Variants in ITIH2 observed in about 807,000 individuals in gnomAD.
The protein encoded by ITIH2 is inter-alpha-trypsin inhibitor heavy chain 2.
In ITIH2, 103 loss-of-function variants were observed where a neutral mutation model predicts 104.4. That is an observed-to-expected ratio of 0.99 (90% confidence interval 0.84 to 1.16). The LOEUF (loss-of-function observed/expected upper bound fraction) is 1.16. ITIH2 is among the 50% of genes most tolerant of loss of function. The pLI is 0.00. For missense variants in ITIH2, 1,108 were observed against 1,162.4 expected (o/e 0.95, Z 0.68); for synonymous variants, 436 against 435.4 (o/e 1.00, Z -0.02).
intron 14 of ITIH2, 71 bp from the exon 15 acceptor site, chr10:7,734,851 G>A (rs1835037588): frequency 1.4e-6 from 2 of 1,384,580 alleles, no homozygotes; most frequent in Admixed American, 1.8e-5. Context: ...GGGGTGCAGG[G>A]TCAGGGAGCT....
At chr10:7,732,037 C>A in intron 13 of ITIH2, 41 bp downstream of exon 13, 1 of 1,469,480 alleles carries the variant, frequency 6.8e-7, no homozygotes. Context: ...CTAACTGACC[C>A]CCTAGATACA....
chr10:7,729,424 G>A (rs1356185961), intron 11 of ITIH2, among the ~76,000 whole-genome samples: 2 of 152,038 alleles, frequency 1.3e-5, no homozygotes. Flanking sequence ...CCAGTTTCTT[G>A]TGTATCTTTC....
In ITIH2 at chr10:7,728,530, C is replaced by A. The variant is rs191081908; in HGVS notation, c.1279+702C>A. Among the ~76,000 whole-genome samples the A allele has an allele frequency of 3.9e-4, 60 of 152,124 alleles. 1 individual carries two copies. Among genetic ancestry groups the A allele is most frequent in the African/African-American group, 1.4e-3 (58 of 41,518 alleles). ...CTGAGTAGCTGGGACTACAGGTGTG[C>A]ACCACCACACTCAGCTAATTTCTTT... On this transcript the variant is annotated intron_variant, in intron 11 of 20. Coordinates refer to ENST00000358415, the MANE Select transcript of ITIH2 (RefSeq NM_002216.3).
rs386740612 is a variant in ITIH2, at chr10:7,716,482, TCC to T, written c.468-1142_468-1141del. ...CCAGGTGCAGTGGCTCAGACTATAATCCCAGCACTTTCAGAAGTGGAGGCGGG... is the reference window on the plus strand; with the variant it reads ...CCAGGTGCAGTGGCTCAGACTATAATCAGCACTTTCAGAAGTGGAGGCGGG... On this transcript the variant is annotated intron_variant, in intron 5 of 20. Coordinates refer to ENST00000358415, the MANE Select transcript of ITIH2 (RefSeq NM_002216.3). 4.5e-3 allele frequency among the ~76,000 whole-genome samples: 685 copies of T among 152,148 alleles called. 7 individuals carry two copies. Among genetic ancestry groups the T allele is most frequent in the African/African-American group, 0.016 (665 of 41,534 alleles).
At chr10:7,706,042 G>A (rs888957641) in intron 2 of ITIH2, among the ~76,000 whole-genome samples, 10 of 152,264 alleles carry the variant, frequency 6.6e-5, no homozygotes, top group South Asian at 2.1e-4. Context: ...AGGTATTTAC[G>A]GAAGCAGCAA....
chr10:7,733,426 C>G lies in ITIH2; in HGVS notation c.1787+949C>G, dbSNP rs541844571. Among the ~76,000 whole-genome samples the G allele has an allele frequency of 2.0e-5, 3 of 152,256 alleles. 1 individual carries two copies. The highest frequency in any genetic ancestry group is 7.2e-5 in the African/African-American group (3 of 41,542). On this transcript the variant is annotated intron_variant, in intron 14 of 20. Coordinates refer to ENST00000358415, the MANE Select transcript of ITIH2 (RefSeq NM_002216.3). ...TTTACTCTTGAAAATGGCTTCTTGT[C>G]CAAAGAGAAATTGATGATTATTAAC...
intron 20 of ITIH2, among the ~76,000 whole-genome samples, chr10:7,748,776 C>T (rs576675624): frequency 1.9e-4 from 29 of 151,478 alleles, no homozygotes; most frequent in African/African-American, 6.8e-4. Flanking sequence ...GAACTCCTGG[C>T]CTCAAGTGGT....
chr10:7,735,311 A>AAAAGGGGT, intron 15 of ITIH2, among the ~76,000 whole-genome samples: 1 of 152,182 alleles, frequency 6.6e-6, no homozygotes, highest in Admixed American at 6.5e-5. Flanking sequence ...AACTTTTGAA[A>AAAAGGGGT]ACCTGCGTAC....
At chr10:7,712,053 C>A (rs1417869957) in intron 4 of ITIH2, among the ~76,000 whole-genome samples, 71 of 152,142 alleles carry the variant, frequency 4.7e-4, no homozygotes. Context: ...GGCAGGGGAC[C>A]CACCAGCACC....
Position 7,723,505 on chromosome 10 carries a change from C to T in ITIH2, c.922C>T (p.Pro308Ser). The change falls in exon 9 of 21, where the codon CCC becomes TCC. Residue 308 changes from proline (P) to serine (S), a missense_variant. Transcript: ENST00000358415. ...FFAPDNLDPI[P>S]KNILFVIDVS... ...TGCTCCTGACAACCTGGACCCAATT[C>T]CCAAAAACATCCTCTTTGTCATCGA... The T allele has an allele frequency of 6.2e-7, 1 of 1,614,010 alleles. No individual in the cohort carries two copies. Among genetic ancestry groups the T allele is most frequent in the Non-Finnish European group, 8.5e-7 (1 of 1,179,946 alleles).
At chr10:7,748,386 C>T (rs1178067795) in intron 20 of ITIH2, among the ~76,000 whole-genome samples, 4 of 149,726 alleles carry the variant, frequency 2.7e-5, no homozygotes, top group East Asian at 2.0e-4. Context: ...GTCTCGTTCA[C>T]GCAGTGTGAA....
At chr10:7,728,252 T>C (rs901613053) in intron 11 of ITIH2, among the ~76,000 whole-genome samples, 3 of 152,330 alleles carry the variant, frequency 2.0e-5, no homozygotes, top group South Asian at 4.1e-4. Flanking sequence ...TTCTCCACAC[T>C]TCTCCCGGTT....
intron 8 of ITIH2, among the ~76,000 whole-genome samples, chr10:7,723,107 G>A (rs1261156418): frequency 4.1e-5 from 6 of 145,770 alleles, no homozygotes; most frequent in Non-Finnish European, 9.1e-5. Flanking sequence ...GAGTGGCGTG[G>A]TGTGGTGTGG....
intron 11 of ITIH2, among the ~76,000 whole-genome samples, chr10:7,729,473 T>G (rs1371747741): frequency 2.6e-5 from 4 of 152,234 alleles, no homozygotes; most frequent in Non-Finnish European, 4.4e-5. Flanking sequence ...TATATATACA[T>G]GTTTGCACAC....
Position 7,733,534 on chromosome 10 carries a change from C to T in ITIH2, c.1787+1057C>T, listed in dbSNP as rs571162057. Among the ~76,000 whole-genome samples the T allele has an allele frequency of 2.5e-3, 376 of 152,174 alleles. 2 individuals are homozygous for T. Among genetic ancestry groups the T allele is most frequent in the Non-Finnish European group, 3.4e-3 (234 of 67,998 alleles). On this transcript the variant is annotated intron_variant, in intron 14 of 20. Coordinates refer to ENST00000358415, the MANE Select transcript of ITIH2 (RefSeq NM_002216.3). ...GCTTCATGTATCAGTAATTTATTTG[C>T]ATTTACTCTTGAAAACGGCTTCTTG...
intron 16 of ITIH2, among the ~76,000 whole-genome samples, chr10:7,739,414 G>A (rs1349549675): frequency 2.0e-5 from 3 of 152,220 alleles, no homozygotes; most frequent in African/African-American, 7.2e-5. Context: ...CCTGACTTGA[G>A]TGTTTGAAAT....
At position 7,727,060 on chromosome 10, in the gene ITIH2, T is replaced by A. The variant is rs763174219; in HGVS notation, c.1095T>A (p.Ala365=). The A allele has an allele frequency of 1.1e-5, 17 of 1,614,164 alleles. No individual in the cohort carries two copies. The highest frequency in any genetic ancestry group is 1.4e-5 in the Non-Finnish European group (17 of 1,179,986). ...CTTGGAGAAATGATTTAATTTCAGC[T>A]ACAAAAACACAGGTTGCAGATGCCA... ...IRTWRNDLIS[A]TKTQVADAKR... The change falls in exon 10 of 21, where the codon GCT becomes GCA. Residue 365 remains alanine (A), a synonymous_variant. Transcript: ENST00000358415.
chr10:7,743,705 C>T (rs534613687), intron 17 of ITIH2, among the ~76,000 whole-genome samples: 65 of 152,120 alleles, frequency 4.3e-4, no homozygotes, highest in African/African-American at 1.4e-3. Flanking sequence ...TGCTTGAACC[C>T]GGGAGGTGGA....
intron 6 of ITIH2, among the ~76,000 whole-genome samples, chr10:7,718,530 T>G (rs1834872581): frequency 6.6e-6 from 1 of 150,736 alleles, no homozygotes; most frequent in South Asian, 2.1e-4. Flanking sequence ...TCAGTTATTT[T>G]TTTTTTAACT....
Sources: gnomAD v4.1 joint callset for allele counts (sites outside exome capture counted in the v4.1 genomes callset) on GRCh38, gnomAD v4.1.1 for gene constraint, MANE v1.5 for transcripts, NCBI Gene and HGNC (gene_info 2026-07-23, HGNC 2026-07-21) for gene names.